The following KANSL1L variants were observed in gnomAD, a reference collection of about 807,000 sequenced individuals.
The protein encoded by KANSL1L is KAT8 regulatory NSL complex subunit 1-like protein.
Under a neutral mutation model 108.6 loss-of-function variants are expected in KANSL1L, and 25 were observed. The observed-to-expected ratio is 0.23, with a 90% confidence interval of 0.17 to 0.32. The LOEUF (loss-of-function observed/expected upper bound fraction) is 0.32, where lower values mean the gene tolerates loss of function less well. Ranked by LOEUF, KANSL1L falls within the 10% of genes least tolerant of loss-of-function variation. The probability of loss-of-function intolerance (pLI) is 1.00; values close to 1 mark genes in which losing one functional copy is unlikely to be tolerated. For synonymous variants in KANSL1L, 405 were observed against 395.1 expected, an observed-to-expected ratio of 1.03 and a Z score of -0.30; for missense variants, 1,137 against 1,125.7, an observed-to-expected ratio of 1.01 and a Z score of -0.14.
chr2:210,154,632 A>G, intron 1 of KANSL1L, 21 bp from the exon 2 acceptor site: 1 of 1,364,600 alleles, frequency 7.3e-7, no homozygotes, highest in South Asian at 2.4e-5. Context: ...GTAAAAATAA[A>G]TGGTCAAATA....
At position 210,103,018 on chromosome 2, in the gene KANSL1L, G is replaced by A. The variant is rs569871465; in HGVS notation, c.1428+1086C>T. ...TGCTGCTATAAAGACACATGTACAC[G>A]TATGCTTATTGAGGCACTATTCACA... On this transcript the variant is annotated intron_variant, in intron 4 of 14. Coordinates refer to ENST00000281772, the MANE Select transcript of KANSL1L (RefSeq NM_152519.4). 1.2e-4 allele frequency among the ~76,000 whole-genome samples: 18 copies of A among 152,232 alleles called. No homozygotes were observed. The South Asian group carries it at 1.9e-3, about 16-fold the overall frequency.
chr2:210,057,861 C>T (rs1254745198), intron 6 of KANSL1L, among the ~76,000 whole-genome samples: 4 of 152,204 alleles, frequency 2.6e-5, no homozygotes, highest in African/African-American at 7.2e-5. Context: ...TTACTTTAAT[C>T]TCTTAATCCC....
intron 5 of KANSL1L, among the ~76,000 whole-genome samples, chr2:210,085,225 T>C (rs765995830): frequency 6.6e-6 from 1 of 152,148 alleles, no homozygotes; most frequent in Non-Finnish European, 1.5e-5. Context: ...TACAAATGCC[T>C]AGAAAAAGAA....
At chr2:210,167,441 A>C (rs1212913129) in intron 1 of KANSL1L, among the ~76,000 whole-genome samples, 1 of 152,034 alleles carries the variant, frequency 6.6e-6, no homozygotes, top group East Asian at 1.9e-4. Flanking sequence ...TACTTCAAGC[A>C]GAATTATTAC....
At chr2:210,165,831 G>A (rs192661488) in intron 1 of KANSL1L, among the ~76,000 whole-genome samples, 7 of 152,220 alleles carry the variant, frequency 4.6e-5, no homozygotes, top group Non-Finnish European at 7.4e-5. Flanking sequence ...TCCATGGTTC[G>A]AGTAACCTGT....
intron 6 of KANSL1L, among the ~76,000 whole-genome samples, chr2:210,056,364 T>C (rs1473871426): frequency 2.6e-5 from 4 of 152,268 alleles, no homozygotes; most frequent in African/African-American, 9.6e-5. Context: ...AATACTTTTA[T>C]CATTTCACTC....
rs115046100 is a variant in KANSL1L at position 210,157,916 on chromosome 2, G to A, written c.-29-3305C>T. Among the ~76,000 whole-genome samples the A allele has an allele frequency of 9.4e-3, 1,429 of 151,438 alleles. 24 individuals are homozygous for A. The highest frequency in any genetic ancestry group is 0.03 in the African/African-American group (1,229 of 41,384). Reference sequence around the variant, plus strand: ...CAAGACCCTGTCAAAAAAAAAGAAAGCAGATTAGTATTTAAGAAATACAAT... The same window carrying A: ...CAAGACCCTGTCAAAAAAAAAGAAAACAGATTAGTATTTAAGAAATACAAT... On this transcript the variant is annotated intron_variant, in intron 1 of 14. Transcript: ENST00000281772.
chr2:210,170,922 G>A (rs1399529991), intron 1 of KANSL1L, among the ~76,000 whole-genome samples: 1 of 147,276 alleles, frequency 6.8e-6, no homozygotes. Context: ...AAGGCTGTTA[G>A]GTTTAGCCGT....
chr2:210,055,838 C>G (rs1219673965), intron 6 of KANSL1L, among the ~76,000 whole-genome samples: 1 of 152,142 alleles, frequency 6.6e-6, no homozygotes, highest in Non-Finnish European at 1.5e-5. Context: ...AAATTTGCAG[C>G]CTGACAATGC....
chr2:210,121,035 T>TA (rs1353980496), intron 3 of KANSL1L, among the ~76,000 whole-genome samples: 1 of 152,204 alleles, frequency 6.6e-6, no homozygotes, highest in Non-Finnish European at 1.5e-5. Context: ...GGAATGCTTT[T>TA]ACACCACTGG....
chr2:210,141,603 A>G (rs920197538), intron 2 of KANSL1L, among the ~76,000 whole-genome samples: 5 of 152,144 alleles, frequency 3.3e-5, no homozygotes, highest in Non-Finnish European at 7.4e-5. Flanking sequence ...TCTGTTGTTA[A>G]TAAGTTACTG....
Position 210,023,554 on chromosome 2 carries a change from C to T in KANSL1L, c.2734-375G>A, listed in dbSNP as rs369639036. Among the ~76,000 whole-genome samples, 49 of 152,214 alleles carry T rather than the reference C, an allele frequency of 3.2e-4. No individual in the cohort carries two copies. In the South Asian group the frequency reaches 6.6e-3, roughly 21 times the overall value. ...CTTTCCTGAGCTTTCTGCAACTTGC[C>T]TATTAATTCTATAATCTCCATTCCA... On this transcript the variant is annotated intron_variant, in intron 14 of 14. Coordinates refer to ENST00000281772, the MANE Select transcript of KANSL1L (RefSeq NM_152519.4).
At chr2:210,125,362 C>G (rs1334661903) in intron 3 of KANSL1L, among the ~76,000 whole-genome samples, 1 of 152,154 alleles carries the variant, frequency 6.6e-6, no homozygotes, top group Non-Finnish European at 1.5e-5. Context: ...AATCTGATGA[C>G]TTCAATGCTG....
chr2:210,057,428 G>A (rs2094363736), intron 6 of KANSL1L, among the ~76,000 whole-genome samples: 3 of 152,068 alleles, frequency 2.0e-5, no homozygotes, highest in East Asian at 1.9e-4. Context: ...AGGGCCGGGC[G>A]CTGTGGCTCA....
rs953786518 is a variant in KANSL1L at position 210,022,014 on chromosome 2, T to C, written c.*935A>G. On this transcript the variant is annotated 3_prime_UTR_variant, in exon 15 of 15. Coordinates refer to ENST00000281772, the MANE Select transcript of KANSL1L (RefSeq NM_152519.4). ...AGAAATACAATCATCTTTTTTTTTT[T>C]TTTCAAATTTTATACTGATAGGGCT... 1 of 151,752 alleles carries C rather than the reference T, an allele frequency of 6.6e-6. No individual in the cohort carries two copies. Among genetic ancestry groups the C allele is most frequent in the Non-Finnish European group, 1.5e-5 (1 of 67,890 alleles). 9.4% of individuals were successfully genotyped at this position (151,752 alleles called of 1,614,324 possible). A position where few individuals can be genotyped will look rare whatever the true frequency, so the allele number is the denominator to read the frequency against.
At chr2:210,126,262 A>G (rs2095064733) in intron 3 of KANSL1L, among the ~76,000 whole-genome samples, 1 of 152,228 alleles carries the variant, frequency 6.6e-6, no homozygotes, top group East Asian at 1.9e-4. Flanking sequence ...TAGATAACCA[A>G]GGAGTTGATA....
intron 3 of KANSL1L, among the ~76,000 whole-genome samples, chr2:210,109,843 C>T (rs1362714866): frequency 6.6e-6 from 1 of 151,768 alleles, no homozygotes; most frequent in Non-Finnish European, 1.5e-5. Flanking sequence ...TATAAAGCTT[C>T]TTTCTTTTAT....
At chr2:210,125,901 T>A (rs1290153973) in intron 3 of KANSL1L, among the ~76,000 whole-genome samples, 1 of 152,162 alleles carries the variant, frequency 6.6e-6, no homozygotes, top group Non-Finnish European at 1.5e-5. Flanking sequence ...GAACCATTTC[T>A]CCTCTTAAGA....
chr2:210,075,436 C>A, intron 6 of KANSL1L, 116 bp downstream of exon 6: 1 of 674,728 alleles, frequency 1.5e-6, no homozygotes, highest in South Asian at 2.0e-5. Context: ...TGTAAGTTTT[C>A]TACATGTAAT....
Sources: allele counts gnomAD v4.1 joint callset (sites outside exome capture counted in the v4.1 genomes callset), GRCh38; gene constraint gnomAD v4.1.1; transcripts MANE v1.5; gene names NCBI Gene and HGNC (gene_info 2026-07-23, HGNC 2026-07-21).